RGS7: variants seen among roughly 807,000 people sequenced by gnomAD.
RGS7 encodes the protein regulator of G-protein signaling 7.
In RGS7, 27 loss-of-function variants were observed where a neutral mutation model predicts 81.1. That is an observed-to-expected ratio of 0.33 (90% CI 0.25 to 0.46). The LOEUF is 0.46. Ranked by LOEUF, RGS7 falls within the 20% of genes least tolerant of loss-of-function variation. The probability of loss-of-function intolerance (pLI) is 1.00; values close to 1 mark genes in which losing one functional copy is unlikely to be tolerated. For missense variants in RGS7, 396 were observed against 607.4 expected, an observed-to-expected ratio of 0.65 and a Z score of 3.66; for synonymous variants, 208 against 207.7, an observed-to-expected ratio of 1.00 and a Z score of -0.01.
chr1:241,235,422 C>CA (rs1478921886), intron 2 of RGS7, among the ~76,000 whole-genome samples: 1 of 152,162 alleles, frequency 6.6e-6, no homozygotes, highest in African/African-American at 2.4e-5. Flanking sequence ...CTGGAACAGG[C>CA]AGGAACCAGG....
Position 241,220,997 on chromosome 1 carries a change from G to GAAAGAA in RGS7, c.79-122236_79-122235insTTCTTT, listed in dbSNP as rs71172690. Among the ~76,000 whole-genome samples, 420 of 90,182 alleles carry GAAAGAA rather than the reference G, an allele frequency of 4.7e-3. 9 individuals carry two copies. Among genetic ancestry groups the GAAAGAA allele is most frequent in the African/African-American group, 0.014 (354 of 24,656 alleles). The allele number at this position is 90,182 out of a possible 152,430, so 59.2% of individuals were successfully genotyped here. Reference sequence around the variant, plus strand: ...AGGAAGGAAGGAAGGAAGGAAGGAAGAGAGAGAGAAAGGAAGGAAGGAAGG... The same window carrying GAAAGAA: ...AGGAAGGAAGGAAGGAAGGAAGGAAGAAAGAAAGAGAGAGAAAGGAAGGAAGGAAGG... On this transcript the variant is annotated intron_variant, in intron 2 of 18. Coordinates refer to ENST00000440928, the MANE Select transcript of RGS7 (RefSeq NM_001364886.1).
At chr1:241,346,127 A>G (rs1033130315) in intron 2 of RGS7, among the ~76,000 whole-genome samples, 3 of 137,790 alleles carry the variant, frequency 2.2e-5, no homozygotes, top group African/African-American at 8.1e-5. Flanking sequence ...TTGCTATCAG[A>G]GAGCAATAAA....
intron 3 of RGS7, among the ~76,000 whole-genome samples, chr1:241,028,787 T>A (rs1465894075): frequency 2.0e-5 from 3 of 151,994 alleles, no homozygotes; most frequent in Non-Finnish European, 2.9e-5. Context: ...CTTGAGAGGA[T>A]CACCATCTGG....
chr1:240,939,356 T>C (rs778521385), intron 4 of RGS7, among the ~76,000 whole-genome samples: 3 of 152,200 alleles, frequency 2.0e-5, no homozygotes, highest in South Asian at 2.1e-4. Context: ...CTGTACCCTA[T>C]AAATATCTAA....
chr1:241,009,168 A>G (rs2058834287), intron 3 of RGS7, among the ~76,000 whole-genome samples: 1 of 152,240 alleles, frequency 6.6e-6, no homozygotes, highest in Non-Finnish European at 1.5e-5. Context: ...ACTATCACAC[A>G]GTCTGAAACA....
At chr1:241,207,008 G>T (rs1256069676) in intron 2 of RGS7, among the ~76,000 whole-genome samples, 5 of 106,238 alleles carry the variant, frequency 4.7e-5, no homozygotes, top group South Asian at 3.4e-4. Context: ...TCGCTCTGTT[G>T]CCCAGGCTGG....
intron 6 of RGS7, among the ~76,000 whole-genome samples, chr1:240,928,552 C>A (rs1368939285): frequency 6.6e-6 from 1 of 150,928 alleles, no homozygotes; most frequent in African/African-American, 2.4e-5. Flanking sequence ...AAAGATGACA[C>A]AACAGATGGG....
intron 2 of RGS7, among the ~76,000 whole-genome samples, chr1:241,218,381 G>A (rs2074697885): frequency 6.6e-6 from 1 of 152,196 alleles, no homozygotes; most frequent in Admixed American, 6.5e-5. Context: ...GGGAAGGTGA[G>A]TGCATTTCCC....
intron 6 of RGS7, among the ~76,000 whole-genome samples, chr1:240,918,180 GT>G (rs1425966790): frequency 6.6e-6 from 1 of 152,056 alleles, no homozygotes; most frequent in Non-Finnish European, 1.5e-5. Flanking sequence ...ACATATATCT[GT>G]GGTTGACAGA....
At chr1:240,946,861 A>G (rs1678709961) in intron 4 of RGS7, among the ~76,000 whole-genome samples, 2 of 152,186 alleles carry the variant, frequency 1.3e-5, no homozygotes, top group South Asian at 4.1e-4. Context: ...GGATAGCTAG[A>G]AGAGGAGATT....
chr1:241,263,583 G>A (rs1015662935), intron 2 of RGS7, among the ~76,000 whole-genome samples: 3 of 152,050 alleles, frequency 2.0e-5, no homozygotes, highest in Non-Finnish European at 4.4e-5. Context: ...AGGGTGCCTG[G>A]CATATGCAAA....
Position 241,144,689 on chromosome 1 carries a change from T to C in RGS7, c.79-45927A>G, listed in dbSNP as rs2068168482. Among the ~76,000 whole-genome samples the C allele has an allele frequency of 2.0e-5, 3 of 152,116 alleles. No homozygotes were observed. Among genetic ancestry groups the C allele is most frequent in the Admixed American group, 2.0e-4 (3 of 15,284 alleles). ...TAGCATGGAGGGATGCTAAACTTGG[T>C]ATTTGAAATCTGTTTTTCCTCACGG... On this transcript the variant is annotated intron_variant, in intron 2 of 18. Transcript: ENST00000440928. This position sits in a 1 kb window ranked among gnomAD's most constrained non-coding sequence, Gnocchi z 4.7.
chr1:240,819,604 G>A (rs754537705), intron 10 of RGS7, among the ~76,000 whole-genome samples: 1 of 152,150 alleles, frequency 6.6e-6, no homozygotes, highest in Admixed American at 6.5e-5. Flanking sequence ...CAGGCATGGC[G>A]GCATGTGCCT....
chr1:240,967,415 T>C (rs925208189), intron 4 of RGS7, among the ~76,000 whole-genome samples: 1 of 152,020 alleles, frequency 6.6e-6, no homozygotes, highest in Non-Finnish European at 1.5e-5. Flanking sequence ...GTGTGCTGTG[T>C]TTTTCTTCTT....
At chr1:240,877,344 T>C (rs1023330739) in intron 6 of RGS7, among the ~76,000 whole-genome samples, 1 of 150,080 alleles carries the variant, frequency 6.7e-6, no homozygotes, top group Non-Finnish European at 1.5e-5. Context: ...ACAGAAAAAA[T>C]ATATAAAGTA....
rs182149737 is a variant in RGS7, at chr1:241,106,984, T to C, written c.79-8222A>G. Reference sequence around the variant, plus strand: ...ATAAATAAACAGATAAATAAACAATTATGCTCACTGTGTTTGTTGGGATTA... The same window carrying C: ...ATAAATAAACAGATAAATAAACAATCATGCTCACTGTGTTTGTTGGGATTA... On this transcript the variant is annotated intron_variant, in intron 2 of 18. Transcript: ENST00000440928. Among the ~76,000 whole-genome samples, 78 of 152,174 alleles carry C rather than the reference T, an allele frequency of 5.1e-4. No individual in the cohort carries two copies. In the South Asian group the frequency reaches 0.01, roughly 20 times the overall value.
At chr1:241,162,125 G>T (rs1014662715) in intron 2 of RGS7, among the ~76,000 whole-genome samples, 1 of 152,010 alleles carries the variant, frequency 6.6e-6, no homozygotes, top group Non-Finnish European at 1.5e-5. Flanking sequence ...TGGTCAGGAG[G>T]TTGTTAAACT....
At position 241,271,726 on chromosome 1, in the gene RGS7, G is replaced by A. The variant is rs1346345627; in HGVS notation, c.78+83973C>T. ...TCTCTCTGCTGGAGTGCTTGAGCTA[G>A]GACATTGGCCTTGGAGTGGGATTTA... is the stretch of plus-strand genomic sequence containing the variant. On this transcript the variant is annotated intron_variant, in intron 2 of 18. Transcript: ENST00000440928. This position sits in a 1 kb window ranked among gnomAD's most constrained non-coding sequence, Gnocchi z 4.6. 1.3e-5 allele frequency among the ~76,000 whole-genome samples: 2 copies of A among 152,190 alleles called. No individual in the cohort carries two copies. The highest frequency in any genetic ancestry group is 2.9e-5 in the Non-Finnish European group (2 of 68,030).
intron 3 of RGS7, among the ~76,000 whole-genome samples, chr1:241,097,670 C>A (rs540667647): frequency 2.6e-5 from 4 of 152,124 alleles, no homozygotes; most frequent in Non-Finnish European, 4.4e-5. Context: ...TCACCTCTTT[C>A]CTAAGCTGTG....
Sources: allele counts gnomAD v4.1 joint callset (sites outside exome capture counted in the v4.1 genomes callset), GRCh38; gene constraint gnomAD v4.1.1; non-coding constraint Gnocchi (gnomAD v3.1); transcripts MANE v1.5; gene names NCBI Gene and HGNC (gene_info 2026-07-23, HGNC 2026-07-21).